Variants in NCR3LG1 observed in about 807,000 individuals in gnomAD.
NCR3LG1 encodes natural cytotoxicity triggering receptor 3 ligand 1.
A neutral mutation model predicts 34.8 loss-of-function variants in NCR3LG1; 35 were observed. The observed-to-expected ratio is 1.01, with a 90% CI of 0.77 to 1.33. The LOEUF (loss-of-function observed/expected upper bound fraction) is 1.33, where lower values mean the gene tolerates loss of function less well. Among genes scored for constraint, NCR3LG1 ranks in the 40% most tolerant of loss-of-function variants. The pLI is 0.00. For synonymous variants in NCR3LG1, 173 were observed against 163.6 expected (o/e 1.06, Z -0.44); for missense variants, 452 against 423.3 (o/e 1.07, Z -0.60).
rs1338814936 is a variant in NCR3LG1 at position 17,356,831 on chromosome 11, A to T, written c.251A>T (p.Asp84Val). The T allele has an allele frequency of 2.0e-6, 3 of 1,535,998 alleles. No individual in the cohort carries two copies. Among genetic ancestry groups the T allele is most frequent in the Admixed American group, 3.9e-5 (2 of 50,974 alleles). ...KEVKVFEFFGDHQEAFRPGAI... is the reference protein window; with the variant it reads ...KEVKVFEFFGVHQEAFRPGAI... ...GTCAAAGTCTTTGAATTTTTTGGAGATCACCAAGAGGCATTCCGACCTGGA... is the reference window on the plus strand; with the variant it reads ...GTCAAAGTCTTTGAATTTTTTGGAGTTCACCAAGAGGCATTCCGACCTGGA... Residue 84 changes from aspartate to valine, a missense_variant, in exon 2 of 5, where the codon GAT (aspartate) becomes GTT (valine). Transcript: ENST00000338965.
At chr11:17,352,749 T>C (rs1487061201) in intron 1 of NCR3LG1, among the ~76,000 whole-genome samples, 1 of 151,954 alleles carries the variant, frequency 6.6e-6, no homozygotes, top group Non-Finnish European at 1.5e-5. Context: ...GTTAGGTCTT[T>C]ACTGAGAGAG....
chr11:17,371,672 C>T (rs776228511), intron 4 of NCR3LG1, among the ~76,000 whole-genome samples: 5 of 152,304 alleles, frequency 3.3e-5, no homozygotes, highest in South Asian at 2.1e-4. Context: ...TAAGATGTTC[C>T]CTTCCTTAAA....
chr11:17,364,370 T>C (rs1257584158), intron 2 of NCR3LG1, among the ~76,000 whole-genome samples: 1 of 152,100 alleles, frequency 6.6e-6, no homozygotes, highest in Non-Finnish European at 1.5e-5. Context: ...ATTTTTGTTT[T>C]TTAAGTAGAG....
chr11:17,380,880 T>G (rs1006661103), downstream of NCR3LG1: 3 of 152,242 alleles, frequency 2.0e-5, no homozygotes, highest in African/African-American at 7.2e-5. Flanking sequence ...GGTCTTTATT[T>G]AGAAGTTTGA....
Position 17,356,956 on chromosome 11 carries a change from G to A in NCR3LG1, c.376G>A (p.Val126Ile), listed in dbSNP as rs1269566502. Residue 126 changes from valine (V) to isoleucine (I), a missense_variant, in exon 2 of 5, where the codon GTC (valine) becomes ATC (isoleucine). Physicochemically the swap from Val to Ile is conservative, Grantham distance 29 (BLOSUM62 3). Transcript: ENST00000338965. The part of the protein sequence containing the change: ...EAGEYRCEVV[V>I]TPLKAQGTVQ... ...AGGAGAGTACCGATGTGAGGTGGTG[G>A]TCACCCCTCTGAAGGCACAGGGAAC... 3.4e-5 allele frequency: 52 copies of A among 1,535,354 alleles called. No individual in the cohort carries two copies. The highest frequency in any genetic ancestry group is 4.4e-5 in the Non-Finnish European group (50 of 1,146,522).
downstream of NCR3LG1, chr11:17,381,167 C>T (rs1953511449): frequency 6.6e-6 from 1 of 152,210 alleles, no homozygotes; most frequent in Non-Finnish European, 1.5e-5. Context: ...GTAATCACCC[C>T]TCATTACTCG....
At position 17,374,241 on chromosome 11, in the gene NCR3LG1, T is replaced by G. The variant is rs1457293735; in HGVS notation, c.*1729T>G. ...AAGGGAACTAAATGGTTCACAGTTC[T>G]GGGCCTAAAGGATGCCTTTTTCTGT... On this transcript the variant is annotated 3_prime_UTR_variant, in exon 5 of 5. Coordinates refer to ENST00000338965, the MANE Select transcript of NCR3LG1 (RefSeq NM_001202439.3). 1 of 152,362 alleles carries G rather than the reference T, an allele frequency of 6.6e-6. No homozygotes were observed. The highest frequency in any genetic ancestry group is 1.9e-4 in the East Asian group (1 of 5,190). The allele number at this position is 152,362 out of a possible 1,614,324, so 9.4% of individuals were successfully genotyped here.
chr11:17,378,316 G>A (rs933489808), downstream of NCR3LG1, among the ~76,000 whole-genome samples: 3 of 152,162 alleles, frequency 2.0e-5, no homozygotes, highest in Non-Finnish European at 4.4e-5. Context: ...CAGATTAAGA[G>A]AGAATGCGGG....
chr11:17,372,622 A>G lies in NCR3LG1; in HGVS notation c.*110A>G, dbSNP rs1245609010. 1.0e-5 allele frequency: 6 copies of G among 599,174 alleles called. No individual in the cohort carries two copies. Among genetic ancestry groups the G allele is most frequent in the Non-Finnish European group, 1.8e-5 (6 of 336,652 alleles). The allele number at this position is 599,174 out of a possible 1,614,324, so 37.1% of individuals were successfully genotyped here. ...TTCTCTGATGACCTGATAGATATAT[A>G]GAGGCTTTCCAAAACCTAACTCAGG... is the stretch of plus-strand genomic sequence containing the variant. On this transcript the variant is annotated 3_prime_UTR_variant, in exon 5 of 5. Transcript: ENST00000338965.
chr11:17,367,409 A>T (rs1304720325), intron 3 of NCR3LG1, 62 bp downstream of exon 3: 1 of 1,293,160 alleles, frequency 7.7e-7, no homozygotes, highest in Admixed American at 2.4e-5. Context: ...CATAAGACTT[A>T]TTCCCACACA....
In NCR3LG1 at chr11:17,372,033, A is replaced by ACTC. The variant is rs1953411404; in HGVS notation, c.890_892dup (p.Pro297dup). On this transcript the variant is annotated inframe_insertion, in exon 5 of 5. Coordinates refer to ENST00000338965, the MANE Select transcript of NCR3LG1 (RefSeq NM_001202439.3). ...ATGTAACAAATCATCTTCAGCCTAT[A>ACTC]CTCCTCTCAAGTGCATTCTGAAACA... 8.5e-6 allele frequency: 6 copies of ACTC among 702,018 alleles called. No homozygotes were observed. The highest frequency in any genetic ancestry group is 1.6e-5 in the Non-Finnish European group (6 of 384,844). The allele number at this position is 702,018 out of a possible 1,614,324, so 43.5% of individuals were successfully genotyped here.
downstream of NCR3LG1, among the ~76,000 whole-genome samples, chr11:17,378,868 G>A (rs1953498629): frequency 6.6e-6 from 1 of 152,204 alleles, no homozygotes; most frequent in Admixed American, 6.5e-5. Flanking sequence ...CTACACAGGA[G>A]ACTTGCCCAG....
At chr11:17,367,868 G>A (rs1953363942) in intron 3 of NCR3LG1, among the ~76,000 whole-genome samples, 1 of 151,292 alleles carries the variant, frequency 6.6e-6, no homozygotes, top group Admixed American at 6.6e-5. Context: ...GCCCAGGCTG[G>A]AGTGTAATGG....
At chr11:17,381,480 A>T (rs1953513058), downstream of NCR3LG1, 1 of 152,598 alleles carries the variant, frequency 6.6e-6, no homozygotes, top group Non-Finnish European at 1.5e-5. Flanking sequence ...TCCCAGGTGA[A>T]TGGGAAACCA....
rs746800056 is a variant in NCR3LG1 at position 17,372,399 on chromosome 11, C to A, written c.1252C>A (p.Pro418Thr). The A allele has an allele frequency of 1.4e-6, 1 of 703,092 alleles. No individual in the cohort carries two copies. Among genetic ancestry groups the A allele is most frequent in the African/African-American group, 1.7e-5 (1 of 57,262 alleles). The allele number at this position is 703,092 out of a possible 1,614,324, so 43.6% of individuals were successfully genotyped here. The change falls in exon 5 of 5, where the codon CCG becomes ACG. Residue 418 changes from proline to threonine, a missense_variant. Transcript: ENST00000338965. Reference protein sequence around the residue: ...QTPREHSDAVPDAPILPVSPI... With the variant: ...QTPREHSDAVTDAPILPVSPI... ...CCCTAGGGAACACTCGGATGCAGTT[C>A]CGGATGCCCCAATCCTTCCTGTCTC...
At position 17,354,003 on chromosome 11, in the gene NCR3LG1, A is replaced by G. The variant is rs1361171376; in HGVS notation, c.70+1964A>G. Reference sequence around the variant, plus strand: ...AGAAAAAAAAAATCCAGTCATACAAAGGAATTCGTCAGATTTTAATGCAAG... The same window carrying G: ...AGAAAAAAAAAATCCAGTCATACAAGGGAATTCGTCAGATTTTAATGCAAG... On this transcript the variant is annotated intron_variant, in intron 1 of 4. Transcript: ENST00000338965. 5.3e-5 allele frequency among the ~76,000 whole-genome samples: 8 copies of G among 152,362 alleles called. No homozygotes were observed. The South Asian group carries it at 1.0e-3, about 20-fold the overall frequency.
At chr11:17,368,996 T>A in intron 4 of NCR3LG1, 32 bp downstream of exon 4, 1 of 1,384,762 alleles carries the variant, frequency 7.2e-7, no homozygotes, top group Non-Finnish European at 9.8e-7. Flanking sequence ...TTCAGCCCTG[T>A]GTCTTGGGCT....
chr11:17,362,995 C>A (rs12146652), intron 2 of NCR3LG1, among the ~76,000 whole-genome samples: 98,505 of 140,094 alleles, frequency 0.7, 36,261 homozygotes, highest in African/African-American at 0.93. Flanking sequence ...ATCATGGCTC[C>A]CTGCAGCCTT....
downstream of NCR3LG1, among the ~76,000 whole-genome samples, chr11:17,380,275 C>T (rs1157177232): frequency 1.3e-5 from 2 of 152,060 alleles, no homozygotes; most frequent in African/African-American, 2.4e-5. Context: ...CTCTGGTTTC[C>T]TCCCACATCG....
Sources: gnomAD v4.1 joint callset for allele counts (sites outside exome capture counted in the v4.1 genomes callset) on GRCh38, gnomAD v4.1.1 for gene constraint, MANE v1.5 for transcripts, NCBI Gene and HGNC (gene_info 2026-07-23, HGNC 2026-07-21) for gene names.